The following RLF variants were observed in gnomAD, a reference collection of about 807,000 sequenced individuals.
RLF encodes the protein zinc finger protein Rlf.
RLF carries 7 observed loss-of-function variants against 162.9 expected under a neutral mutation model. The ratio of observed to expected loss-of-function variants is 0.04; its 90% CI spans 0.02 to 0.08. The LOEUF (loss-of-function observed/expected upper bound fraction) is 0.08. RLF is among the 10% of genes least tolerant of loss of function. The pLI is 1.00. For synonymous variants in RLF, 782 were observed against 791.5 expected (o/e 0.99, Z 0.20); for missense variants, 1,664 against 2,244.7 (o/e 0.74, Z 5.23).
intron 5 of RLF, among the ~76,000 whole-genome samples, chr1:40,219,019 T>C (rs548114054): frequency 2.6e-5 from 4 of 152,232 alleles, no homozygotes; most frequent in South Asian, 2.1e-4. Flanking sequence ...TAGATACTCA[T>C]TAAAACTCTC....
chr1:40,237,466 A>C lies in RLF; in HGVS notation c.2764A>C (p.Met922Leu), dbSNP rs778449040. The change falls in exon 8 of 8, where the codon ATG (methionine) becomes CTG (leucine). Residue 922 changes from methionine to leucine, a missense_variant. Met to Leu is a conservative substitution (Grantham distance 15). Transcript: ENST00000372771. The surrounding 1 kb of genome is among the most constrained non-coding windows in gnomAD (Gnocchi z 4.4). ...LIDTLDHSET[M>L]QDVLLSNEKV... ...TGACACACTAGATCACTCTGAAACTATGCAGGATGTATTGTTATCTAATGA... is the reference window on the plus strand; with the variant it reads ...TGACACACTAGATCACTCTGAAACTCTGCAGGATGTATTGTTATCTAATGA... 68 of 1,613,998 alleles carry C rather than the reference A, an allele frequency of 4.2e-5. No individual in the cohort carries two copies. Among genetic ancestry groups the C allele is most frequent in the Non-Finnish European group, 5.6e-5 (66 of 1,179,988 alleles).
intron 1 of RLF, among the ~76,000 whole-genome samples, chr1:40,186,163 CAAAAA>C (rs1642477644): frequency 6.6e-6 from 1 of 151,342 alleles, no homozygotes; most frequent in Admixed American, 6.6e-5. Flanking sequence ...ATTAAAAAAA[CAAAAA>C]GAAAGAAAGA....
At chr1:40,192,912 A>C (rs1642578139) in intron 3 of RLF, among the ~76,000 whole-genome samples, 1 of 152,136 alleles carries the variant, frequency 6.6e-6, no homozygotes, top group South Asian at 2.1e-4. Context: ...TCTGCAAATG[A>C]TTTTTTAATG....
chr1:40,186,937 T>G (rs1642489360), intron 1 of RLF, among the ~76,000 whole-genome samples: 1 of 152,194 alleles, frequency 6.6e-6, no homozygotes, highest in Non-Finnish European at 1.5e-5. Flanking sequence ...TGAAACTCCT[T>G]AATTCTTAGA....
intron 4 of RLF, among the ~76,000 whole-genome samples, chr1:40,196,149 C>T (rs1186904122): frequency 6.6e-6 from 1 of 151,832 alleles, no homozygotes; most frequent in African/African-American, 2.4e-5. Context: ...GATCTCGGCT[C>T]ACTGCAACCT....
intron 6 of RLF, among the ~76,000 whole-genome samples, chr1:40,225,408 A>G (rs1257215924): frequency 1.3e-5 from 2 of 151,820 alleles, no homozygotes; most frequent in Non-Finnish European, 2.9e-5. Flanking sequence ...GTGAAAACCC[A>G]TCTCTACTTA....
At chr1:40,198,422 A>G (rs1192183084) in intron 4 of RLF, among the ~76,000 whole-genome samples, 1 of 149,894 alleles carries the variant, frequency 6.7e-6, no homozygotes, top group Non-Finnish European at 1.5e-5. Context: ...CTCCTGCCTC[A>G]GCCTCCCAAG....
intron 5 of RLF, 134 bp from the exon 6 acceptor site, chr1:40,222,440 C>T (rs566058495): frequency 2.9e-6 from 2 of 697,312 alleles, no homozygotes; most frequent in East Asian, 5.5e-5. Context: ...AATATTCATG[C>T]AAGAAGACTC....
At position 40,173,604 on chromosome 1, in the gene RLF, C is replaced by T. The variant is rs576308662; in HGVS notation, c.237+11968C>T. On this transcript the variant is annotated intron_variant, in intron 1 of 7. Coordinates refer to ENST00000372771, the MANE Select transcript of RLF (RefSeq NM_012421.4). ...TCTCAGCTCACTGCAACCTCTGCTT[C>T]CTGGATTCAGGTGATTTTCATGCCT... Among the ~76,000 whole-genome samples, 7 of 151,558 alleles carry T rather than the reference C, an allele frequency of 4.6e-5. No individual in the cohort carries two copies. In the South Asian group the frequency reaches 1.2e-3, roughly 27 times the overall value.
chr1:40,192,104 A>G (rs546237599), intron 3 of RLF, among the ~76,000 whole-genome samples: 1 of 152,318 alleles, frequency 6.6e-6, no homozygotes, highest in African/African-American at 2.4e-5. Context: ...CTTTAGTGAG[A>G]AGAGGATTCT....
intron 6 of RLF, among the ~76,000 whole-genome samples, chr1:40,228,158 G>A (rs1263832021): frequency 2.0e-5 from 3 of 150,358 alleles, no homozygotes; most frequent in Non-Finnish European, 4.4e-5. Context: ...AGTTGCGTGC[G>A]CCTGTAGTCC....
At chr1:40,204,789 CA>C (rs1392975083) in intron 5 of RLF, among the ~76,000 whole-genome samples, 17 of 152,004 alleles carry the variant, frequency 1.1e-4, no homozygotes, top group Admixed American at 2.0e-4. Context: ...TCTTATTCTT[CA>C]AAACTATACT....
intron 1 of RLF, among the ~76,000 whole-genome samples, chr1:40,188,731 T>G (rs1257780796): frequency 6.6e-6 from 1 of 152,184 alleles, no homozygotes; most frequent in Non-Finnish European, 1.5e-5. Flanking sequence ...TACCCAGTGC[T>G]TGGCACATGG....
intron 1 of RLF, among the ~76,000 whole-genome samples, chr1:40,173,756 C>T (rs1642278280): frequency 6.6e-6 from 1 of 152,116 alleles, no homozygotes; most frequent in South Asian, 2.1e-4. Context: ...CTCAAGTGAT[C>T]CGCCCACCTT....
chr1:40,167,327 G>A (rs150522644), intron 1 of RLF, among the ~76,000 whole-genome samples: 4 of 152,238 alleles, frequency 2.6e-5, no homozygotes, highest in East Asian at 3.9e-4. Flanking sequence ...CTCTTCTTGC[G>A]CTGCCTTCTT....
chr1:40,169,452 T>TA (rs1282260245), intron 1 of RLF, among the ~76,000 whole-genome samples: 1 of 150,676 alleles, frequency 6.6e-6, no homozygotes, highest in Non-Finnish European at 1.5e-5. Context: ...CCGTCTCTAC[T>TA]AAAAATACAA....
chr1:40,186,615 C>A (rs1642484782), intron 1 of RLF, among the ~76,000 whole-genome samples: 1 of 152,164 alleles, frequency 6.6e-6, no homozygotes, highest in Admixed American at 6.5e-5. Flanking sequence ...TCTTTGCATA[C>A]TTTAGTTAGC....
rs1231904359 is a variant in RLF, at chr1:40,240,312, C to CTGT, written c.5611_5613dup (p.Cys1871dup). ...TTGTATTGGACAAAGCATTAACAGA[C>CTGT]TGTGGAGAGCTTGCCTTAAAACAGC... On this transcript the variant is annotated inframe_insertion, in exon 8 of 8. Transcript: ENST00000372771. The CTGT allele has an allele frequency of 1.2e-6, 2 of 1,614,064 alleles. No homozygotes were observed. Among genetic ancestry groups the CTGT allele is most frequent in the South Asian group, 2.2e-5 (2 of 91,088 alleles).
chr1:40,182,774 T>TAGAG (rs1642423185), intron 1 of RLF, among the ~76,000 whole-genome samples: 1 of 151,968 alleles, frequency 6.6e-6, no homozygotes, highest in African/African-American at 2.4e-5. Flanking sequence ...GATAGATAGA[T>TAGAG]AGATAGATAG....
Sources: gnomAD v4.1 joint callset for allele counts (sites outside exome capture counted in the v4.1 genomes callset) on GRCh38, gnomAD v4.1.1 for gene constraint, Gnocchi (gnomAD v3.1) non-coding constraint, MANE v1.5 for transcripts, NCBI Gene and HGNC (gene_info 2026-07-23, HGNC 2026-07-21) for gene names.